The following KDM4B variants were observed in gnomAD, a reference collection of about 807,000 sequenced individuals.
KDM4B encodes the protein lysine-specific demethylase 4B.
A neutral mutation model predicts 125.2 loss-of-function variants in KDM4B; 32 were observed. That is an observed-to-expected ratio of 0.26 (90% CI 0.19 to 0.34). The LOEUF is 0.34. Among genes scored for constraint, KDM4B ranks in the 10% least tolerant of loss-of-function variants. The pLI, the probability that KDM4B is intolerant of heterozygous loss-of-function variation, is 1.00. For missense variants in KDM4B, 1,190 were observed against 1,577.7 expected, an observed-to-expected ratio of 0.75 and a Z score of 4.16; for synonymous variants, 721 against 677.9, an observed-to-expected ratio of 1.06 and a Z score of -0.99.
rs1346409469 is a variant in KDM4B, at chr19:5,114,171, C to T, written c.1115+3353C>T. On this transcript the variant is annotated intron_variant, in intron 10 of 22. Coordinates refer to ENST00000159111, the MANE Select transcript of KDM4B (RefSeq NM_015015.3). The surrounding 1 kb of genome is among the most constrained non-coding windows in gnomAD (Gnocchi z 5.8). ...TCTCTGGCACCCACGCGACGCTCCT[C>T]CATGCAAACTCTTTCCACGCGAGAA... 2 of 1,289,788 alleles carry T rather than the reference C, an allele frequency of 1.6e-6. No individual in the cohort carries two copies. Among genetic ancestry groups the T allele is most frequent in the East Asian group, 1.1e-4 (2 of 18,024 alleles). 79.9% of individuals were successfully genotyped at this position (1,289,788 alleles called of 1,614,324 possible).
At chr19:4,988,083 C>T (rs918557498) in intron 1 of KDM4B, among the ~76,000 whole-genome samples, 1 of 152,172 alleles carries the variant, frequency 6.6e-6, no homozygotes, top group Non-Finnish European at 1.5e-5. Context: ...CCAGCACACG[C>T]GAGCAAAGCG....
At chr19:5,135,146 CAG>C (rs1211472387) in intron 14 of KDM4B, among the ~76,000 whole-genome samples, 191 bp from the exon 15 acceptor site, 1 of 152,224 alleles carries the variant, frequency 6.6e-6, no homozygotes, top group African/African-American at 2.4e-5. Flanking sequence ...CAGGGTCAGA[CAG>C]TGTTTGGGGA....
At chr19:5,118,144 G>A (rs1026586309) in intron 10 of KDM4B, among the ~76,000 whole-genome samples, 2 of 152,080 alleles carry the variant, frequency 1.3e-5, no homozygotes, top group African/African-American at 4.8e-5. Context: ...CCCGGCAGCG[G>A]GCCCACCCCA....
Position 5,047,735 on chromosome 19 carries a change from G to C in KDM4B, c.626+66G>C, listed in dbSNP as rs1599497444. On this transcript the variant is annotated intron_variant, in intron 6 of 22. Transcript: ENST00000159111. ...GCCCCTCGGGAGGGAGTCAATCCCG[G>C]GTACACGGCTGGGCGCCGTGGCAGG... is the stretch of plus-strand genomic sequence containing the variant. The C allele has an allele frequency of 2.0e-6, 3 of 1,518,190 alleles. No individual in the cohort carries two copies. In the African/African-American group the frequency reaches 4.1e-5, roughly 21 times the overall value. The allele number at this position is 1,518,190 out of a possible 1,614,324, so 94.0% of individuals were successfully genotyped here. A position where few individuals can be genotyped will look rare whatever the true frequency, so the allele number is the denominator to read the frequency against.
chr19:4,979,749 T>A (rs909584427), intron 1 of KDM4B, among the ~76,000 whole-genome samples: 3 of 152,326 alleles, frequency 2.0e-5, no homozygotes, highest in Admixed American at 6.5e-5. Flanking sequence ...CCTGCCATTT[T>A]AAAAAATATA....
chr19:5,126,256 A>C (rs1246988047), intron 11 of KDM4B, among the ~76,000 whole-genome samples: 18 of 152,068 alleles, frequency 1.2e-4, no homozygotes, highest in Admixed American at 1.0e-3. Context: ...GGTGTCCCCT[A>C]TCCCATTCTT....
intron 1 of KDM4B, among the ~76,000 whole-genome samples, chr19:5,013,635 G>A (rs2035798329): frequency 6.6e-6 from 1 of 152,198 alleles, no homozygotes. Flanking sequence ...CACAGCCACA[G>A]CGCAGCGTTT....
chr19:5,150,820 T>G (rs1894495181), intron 22 of KDM4B, among the ~76,000 whole-genome samples: 1 of 152,068 alleles, frequency 6.6e-6, no homozygotes, highest in Non-Finnish European at 1.5e-5. Flanking sequence ...GGTTTTGGGG[T>G]ACAGGCGAAG....
chr19:5,132,887 C>T (rs1005878648), intron 13 of KDM4B, among the ~76,000 whole-genome samples: 4 of 152,222 alleles, frequency 2.6e-5, no homozygotes, highest in Admixed American at 1.3e-4. Context: ...CTTCCCTGGG[C>T]TCCGCTGGCG....
At chr19:5,119,084 C>T in intron 10 of KDM4B, 1 of 1,367,840 alleles carries the variant, frequency 7.3e-7, no homozygotes, top group Non-Finnish European at 1.0e-6. Context: ...GAGCAGAAGT[C>T]CTAGAGAAAA....
chr19:4,987,514 T>C (rs1040078020), intron 1 of KDM4B, among the ~76,000 whole-genome samples: 3 of 151,920 alleles, frequency 2.0e-5, no homozygotes, highest in African/African-American at 7.3e-5. Context: ...ATGTCTCTGG[T>C]TGGGGAGGAG....
intron 2 of KDM4B, 36 bp from the exon 3 acceptor site, chr19:5,032,830 C>T: frequency 1.3e-6 from 2 of 1,583,372 alleles, no homozygotes; most frequent in Non-Finnish European, 1.7e-6. Flanking sequence ...GGCATGGCGG[C>T]ACCGCTGGTT....
chr19:5,131,206 A>G lies in KDM4B; in HGVS notation c.1446A>G (p.Pro482=). 6.2e-7 allele frequency: 1 copy of G among 1,604,934 alleles called. No individual in the cohort carries two copies. The highest frequency in any genetic ancestry group is 1.3e-5 in the African/African-American group (1 of 74,894). Residue 482 remains proline, a synonymous_variant, in exon 12 of 23, where the codon CCA becomes CCG. Coordinates refer to ENST00000159111, the MANE Select transcript of KDM4B (RefSeq NM_015015.3). ...HFPSEEALWL[P]SPLEPPVLGP... is the part of the protein sequence containing the mutation. Reference sequence around the variant, plus strand: ...CCTCAGAGGAGGCGCTGTGGCTGCCATCCCCACTGGAGCCCCCGGTGCTGG... The same window carrying G: ...CCTCAGAGGAGGCGCTGTGGCTGCCGTCCCCACTGGAGCCCCCGGTGCTGG...
chr19:5,147,667 T>C (rs935175415), intron 21 of KDM4B, among the ~76,000 whole-genome samples: 4 of 142,436 alleles, frequency 2.8e-5, no homozygotes, highest in African/African-American at 1.1e-4. Flanking sequence ...CACTTGAGCC[T>C]GGGAGGTTGA....
intron 2 of KDM4B, among the ~76,000 whole-genome samples, chr19:5,024,777 C>T (rs183551532): frequency 6.6e-6 from 1 of 152,158 alleles, no homozygotes; most frequent in African/African-American, 2.4e-5. Flanking sequence ...GGTGAAACCT[C>T]GTCCTACTAA....
intron 16 of KDM4B, 38 bp downstream of exon 16, chr19:5,137,376 G>C: frequency 6.5e-7 from 1 of 1,532,822 alleles, no homozygotes; most frequent in Non-Finnish European, 8.8e-7. Context: ...TGCTCTGAGA[G>C]GCCTGGGCCC....
At chr19:5,002,243 C>T (rs1218868406) in intron 1 of KDM4B, among the ~76,000 whole-genome samples, 6 of 152,180 alleles carry the variant, frequency 3.9e-5, no homozygotes, top group Admixed American at 6.5e-5. Flanking sequence ...GGTGATTCAC[C>T]GGCCTTGGCC....
At chr19:5,084,138 T>C (rs776025680) in intron 9 of KDM4B, among the ~76,000 whole-genome samples, 18 of 151,818 alleles carry the variant, frequency 1.2e-4, no homozygotes, top group Non-Finnish European at 1.8e-4. Flanking sequence ...TCCCAGCTAC[T>C]TGGGAGACTG....
chr19:4,973,933 C>G (rs1191237371), intron 1 of KDM4B, among the ~76,000 whole-genome samples: 2 of 150,900 alleles, frequency 1.3e-5, no homozygotes, highest in Non-Finnish European at 2.9e-5. Flanking sequence ...AGTTCGAGAA[C>G]AGCCTGGCCA....
Sources: allele counts gnomAD v4.1 joint callset (sites outside exome capture counted in the v4.1 genomes callset), GRCh38; gene constraint gnomAD v4.1.1; non-coding constraint Gnocchi (gnomAD v3.1); transcripts MANE v1.5; gene names NCBI Gene and HGNC (gene_info 2026-07-23, HGNC 2026-07-21).